The following IQSEC1 variants were observed in gnomAD, a reference collection of about 807,000 sequenced individuals.
IQSEC1 encodes the protein IQ motif and Sec7 domain ArfGEF 1, also known as IQ motif and SEC7 domain-containing protein 1.
A neutral mutation model predicts 91.0 loss-of-function variants in IQSEC1; 31 were observed. The observed-to-expected ratio is 0.34, with a 90% CI of 0.26 to 0.46. The LOEUF (loss-of-function observed/expected upper bound fraction) is 0.46, where lower values mean the gene tolerates loss of function less well. IQSEC1 is among the 20% of genes least tolerant of loss of function. The pLI, the probability that IQSEC1 is intolerant of heterozygous loss-of-function variation, is 1.00. For synonymous variants in IQSEC1, 699 were observed against 662.6 expected, an observed-to-expected ratio of 1.05 and a Z score of -0.84; for missense variants, 1,388 against 1,575.6, an observed-to-expected ratio of 0.88 and a Z score of 2.02.
intron 1 of IQSEC1, among the ~76,000 whole-genome samples, chr3:13,223,912 C>T (rs996023532): frequency 1.3e-5 from 2 of 152,176 alleles, no homozygotes; most frequent in Admixed American, 1.3e-4. Context: ...AGTCACCGGA[C>T]ATTAATGAGC....
At chr3:13,034,333 T>G (rs1703956672) in intron 1 of IQSEC1, among the ~76,000 whole-genome samples, 1 of 152,224 alleles carries the variant, frequency 6.6e-6, no homozygotes, top group African/African-American at 2.4e-5. Context: ...TGGGATGGAC[T>G]TATCTCACGT....
chr3:13,125,582 T>C (rs1025993553), intron 2 of IQSEC1, among the ~76,000 whole-genome samples: 1 of 152,130 alleles, frequency 6.6e-6, no homozygotes, highest in African/African-American at 2.4e-5. Context: ...CAGCCCAGGG[T>C]GAATCCCGTA....
chr3:13,124,782 C>T (rs1412424908), intron 2 of IQSEC1, among the ~76,000 whole-genome samples: 1 of 152,226 alleles, frequency 6.6e-6, no homozygotes, highest in African/African-American at 2.4e-5. Flanking sequence ...TGGATCCCCC[C>T]CAGACTGTCC....
chr3:12,940,719 C>CT lies in IQSEC1; in HGVS notation c.318+851dup. 6.6e-6 allele frequency among the ~76,000 whole-genome samples: 1 copy of CT among 152,300 alleles called. No homozygotes were observed. Among genetic ancestry groups the CT allele is most frequent in the East Asian group, 1.9e-4 (1 of 5,166 alleles). The stretch of plus-strand genomic sequence containing the variant: ...CGGGTTCTCTTGAAGCCTCAAACTG[C>CT]TAAGCGGCTTGTCCATGCACTGGCC... On this transcript the variant is annotated intron_variant, in intron 2 of 13. Transcript: ENST00000613206. This position sits in a 1 kb window ranked among gnomAD's most constrained non-coding sequence, Gnocchi z 4.4.
At position 13,282,924 on chromosome 3, in the gene IQSEC1, C is replaced by T. The variant is rs1425865986; in HGVS notation, c.59G>A (p.Arg20Gln). Among the ~76,000 whole-genome samples the T allele has an allele frequency of 2.0e-5, 3 of 147,282 alleles. No homozygotes were observed. The highest frequency in any genetic ancestry group is 7.3e-5 in the African/African-American group (3 of 40,920). The change falls in exon 1 of 16, where the codon CGG becomes CAG. Residue 20 changes from arginine (R) to glutamine (Q), a missense_variant. By Grantham distance (43) the Arg-to-Gln change is conservative. Transcript: ENST00000648114. This position sits in a 1 kb window ranked among gnomAD's most constrained non-coding sequence, Gnocchi z 6.4. ...CAGCTCCTGCTGCGCGGCGACGATC[C>T]GGGTCAGCTCCTGCAGGTACTCGGC...
intron 6 of IQSEC1, among the ~76,000 whole-genome samples, chr3:12,917,167 G>C (rs907032858): frequency 6.6e-6 from 1 of 152,252 alleles, no homozygotes; most frequent in South Asian, 2.1e-4. Context: ...CCTGCCCCCC[G>C]ACACTCATAG....
intron 1 of IQSEC1, among the ~76,000 whole-genome samples, chr3:12,971,321 G>A (rs1011241536): frequency 1.3e-5 from 2 of 152,204 alleles, no homozygotes; most frequent in Non-Finnish European, 1.5e-5. Context: ...CAGATGAGAT[G>A]GCCACAAGAT....
At chr3:12,963,550 T>C (rs1033265998) in intron 1 of IQSEC1, among the ~76,000 whole-genome samples, 1 of 152,262 alleles carries the variant, frequency 6.6e-6, no homozygotes, top group African/African-American at 2.4e-5. Flanking sequence ...TGGGGATCTA[T>C]CTGTATGCTT....
chr3:13,249,167 C>CTTTTT (rs60976247), intron 1 of IQSEC1, among the ~76,000 whole-genome samples: 11 of 106,718 alleles, frequency 1.0e-4, no homozygotes, highest in East Asian at 2.8e-4. Flanking sequence ...GAAGGAATTT[C>CTTTTT]TTTTTTTTTT....
chr3:13,177,561 AC>A lies in IQSEC1; in HGVS notation c.273-13429del, dbSNP rs549287937. Among the ~76,000 whole-genome samples the A allele has an allele frequency of 1.4e-4, 10 of 73,682 alleles. No individual in the cohort carries two copies. The South Asian group carries it at 4.2e-3, about 31-fold the overall frequency. The allele number at this position is 73,682 out of a possible 152,430, so 48.3% of individuals were successfully genotyped here. The stretch of plus-strand genomic sequence containing the variant: ...ACAGCAGGCAGCCACATGGGGCTTC[AC>A]CCCCCATTCCCCATCCCTGTGGACA... On this transcript the variant is annotated intron_variant, in intron 1 of 15. Coordinates refer to the IQSEC1 transcript ENST00000648114.
At chr3:13,109,030 G>A (rs890710459) in intron 2 of IQSEC1, among the ~76,000 whole-genome samples, 7 of 152,204 alleles carry the variant, frequency 4.6e-5, no homozygotes, top group South Asian at 2.1e-4. Context: ...GGATGCATGC[G>A]TCCAAACAGC....
At chr3:12,987,462 G>A (rs768414589) in intron 1 of IQSEC1, among the ~76,000 whole-genome samples, 35 of 152,214 alleles carry the variant, frequency 2.3e-4, no homozygotes, top group Non-Finnish European at 3.2e-4. Context: ...GAGAGAGACC[G>A]TAGATGAAAA....
chr3:13,281,633 G>A (rs1474213315), intron 1 of IQSEC1, among the ~76,000 whole-genome samples: 4 of 152,194 alleles, frequency 2.6e-5, no homozygotes, highest in African/African-American at 4.8e-5. Context: ...GGGAAACTCG[G>A]GTTTCCATGA....
At chr3:12,907,331 G>A (rs903648966) in intron 12 of IQSEC1, among the ~76,000 whole-genome samples, 1 of 152,232 alleles carries the variant, frequency 6.6e-6, no homozygotes, top group Non-Finnish European at 1.5e-5. Context: ...GGGCAGGTGC[G>A]GGAGGGAGTC....
intron 1 of IQSEC1, among the ~76,000 whole-genome samples, chr3:13,173,996 A>G (rs903723123): frequency 1.2e-4 from 19 of 152,246 alleles, no homozygotes; most frequent in African/African-American, 4.6e-4. Context: ...TATGGAGTCT[A>G]TGGGTCCTAG....
intron 7 of IQSEC1, 92 bp downstream of exon 7, chr3:12,915,502 A>G (rs1695993664): frequency 7.1e-7 from 1 of 1,402,774 alleles, no homozygotes; most frequent in African/African-American, 1.4e-5. Context: ...AAGAGACCAC[A>G]CGGAGTGGGG....
chr3:13,162,102 G>A (rs1488951220), intron 2 of IQSEC1, among the ~76,000 whole-genome samples: 1 of 152,200 alleles, frequency 6.6e-6, no homozygotes, highest in Non-Finnish European at 1.5e-5. Context: ...TCCCCACCAC[G>A]AGGGTGTATT....
intron 8 of IQSEC1, among the ~76,000 whole-genome samples, chr3:12,914,031 T>TTCCA: frequency 6.6e-6 from 1 of 152,320 alleles, no homozygotes; most frequent in East Asian, 1.9e-4. Context: ...AACTAGGAAG[T>TTCCA]GGCAGAGCCA....
At chr3:12,965,954 G>A (rs2125512204) in intron 1 of IQSEC1, among the ~76,000 whole-genome samples, 1 of 152,316 alleles carries the variant, frequency 6.6e-6, no homozygotes, top group South Asian at 2.1e-4. Flanking sequence ...TACATAGCAG[G>A]CACTCAATAA....
Sources: allele counts gnomAD v4.1 joint callset (sites outside exome capture counted in the v4.1 genomes callset), GRCh38; gene constraint gnomAD v4.1.1; non-coding constraint Gnocchi (gnomAD v3.1); transcripts MANE v1.5; gene names NCBI Gene and HGNC (gene_info 2026-07-23, HGNC 2026-07-21).